The following FAM3C variants were observed in gnomAD, a reference collection of about 807,000 sequenced individuals.
FAM3C encodes the protein protein FAM3C.
Under a neutral mutation model 32.5 loss-of-function variants are expected in FAM3C, and 15 were observed. The ratio of observed to expected loss-of-function variants is 0.46; its 90% CI spans 0.31 to 0.71. The LOEUF is 0.71. FAM3C is among the 30% of genes least tolerant of loss of function. The probability of loss-of-function intolerance (pLI) is 0.05; values close to 1 mark genes in which losing one functional copy is unlikely to be tolerated. For missense variants in FAM3C, 175 were observed against 274.4 expected, an observed-to-expected ratio of 0.64 and a Z score of 2.56; for synonymous variants, 75 against 86.1, an observed-to-expected ratio of 0.87 and a Z score of 0.72.
At chr7:121,373,572 T>C (rs1016575735) in intron 3 of FAM3C, among the ~76,000 whole-genome samples, 2 of 152,216 alleles carry the variant, frequency 1.3e-5, no homozygotes, top group Non-Finnish European at 2.9e-5. Context: ...ACATTTGTTA[T>C]TGCATTTCAT....
chr7:121,362,111 A>AT (rs1793937843), intron 7 of FAM3C, among the ~76,000 whole-genome samples: 7 of 152,296 alleles, frequency 4.6e-5, no homozygotes, highest in African/African-American at 1.7e-4. Context: ...GGTGCAGGGG[A>AT]GATCCTCATA....
chr7:121,365,258 G>A (rs1794002707), intron 5 of FAM3C, among the ~76,000 whole-genome samples: 1 of 152,066 alleles, frequency 6.6e-6, no homozygotes, highest in Non-Finnish European at 1.5e-5. Context: ...TCTAACAAAC[G>A]TTGGATCTAT....
rs67277678 is a variant in FAM3C at position 121,381,656 on chromosome 7, C to CCACA, written c.13+1297_13+1300dup. ...AAGTCCTGCTGTACTCAAAGAACATCCACACACACACACACACACACACAC... is the reference window on the plus strand; with the variant it reads ...AAGTCCTGCTGTACTCAAAGAACATCCACACACACACACACACACACACACACAC... On this transcript the variant is annotated intron_variant, in intron 2 of 9. Coordinates refer to ENST00000359943, the MANE Select transcript of FAM3C (RefSeq NM_014888.3). Among the ~76,000 whole-genome samples, 1,136 of 142,320 alleles carry CCACA rather than the reference C, an allele frequency of 8.0e-3. 14 individuals carry two copies. The highest frequency in any genetic ancestry group is 0.017 in the African/African-American group (671 of 39,244). The allele number at this position is 142,320 out of a possible 152,430, so 93.4% of individuals were successfully genotyped here.
intron 8 of FAM3C, among the ~76,000 whole-genome samples, chr7:121,352,873 A>G (rs1029364856): frequency 4.6e-5 from 7 of 152,142 alleles, no homozygotes; most frequent in Middle Eastern, 3.2e-3. Flanking sequence ...CAAATGTTCT[A>G]TTTTCTAACT....
At chr7:121,351,502 G>T in intron 8 of FAM3C, 1 of 408,608 alleles carries the variant, frequency 2.4e-6, no homozygotes, top group Non-Finnish European at 4.3e-6. Flanking sequence ...GACCTGTTAG[G>T]TTTTTATTTC....
At chr7:121,375,361 A>G (rs1794219584) in intron 3 of FAM3C, among the ~76,000 whole-genome samples, 1 of 152,190 alleles carries the variant, frequency 6.6e-6, no homozygotes, top group Non-Finnish European at 1.5e-5. Context: ...CTGTGTGCAG[A>G]CTGGCACAAG....
At chr7:121,372,023 T>C in intron 4 of FAM3C, 87 bp downstream of exon 4, 1 of 936,786 alleles carries the variant, frequency 1.1e-6, no homozygotes, top group East Asian at 2.6e-5. Flanking sequence ...TTTTTCCTCA[T>C]ACTGAACTAC....
At chr7:121,370,773 G>A (rs997272428) in intron 5 of FAM3C, among the ~76,000 whole-genome samples, 14 of 152,098 alleles carry the variant, frequency 9.2e-5, no homozygotes, top group African/African-American at 2.4e-4. Context: ...AATGAAAGAC[G>A]TTGGATTTCA....
In FAM3C at chr7:121,362,960, A is replaced by C; in HGVS notation, c.332-13T>G. On this transcript the variant is annotated splice_polypyrimidine_tract_variant and intron_variant, in intron 6 of 9. Coordinates refer to ENST00000359943, the MANE Select transcript of FAM3C (RefSeq NM_014888.3). ...TCTCCTGTTTTTCCTAAAAGAGATT[A>C]AATTCATATCAAATTATGCATCTGA... is the stretch of plus-strand genomic sequence containing the variant. 7.7e-7 allele frequency: 1 copy of C among 1,294,150 alleles called. No homozygotes were observed. The highest frequency in any genetic ancestry group is 1.1e-6 in the Non-Finnish European group (1 of 897,316). The allele number at this position is 1,294,150 out of a possible 1,614,324, so 80.2% of individuals were successfully genotyped here.
chr7:121,371,498 C>A (rs923153469), intron 4 of FAM3C, 75 bp from the exon 5 acceptor site: 14 of 1,454,110 alleles, frequency 9.6e-6, no homozygotes, highest in Middle Eastern at 1.8e-4. Context: ...CTTCAAATCT[C>A]AAACCACAAA....
rs377269503 is a variant in FAM3C at position 121,350,368 on chromosome 7, C to A, written c.*93G>T. 50 of 1,541,106 alleles carry A rather than the reference C, an allele frequency of 3.2e-5. No individual in the cohort carries two copies. In the East Asian group the frequency reaches 5.0e-4, roughly 15 times the overall value. ...ACTCATGCACACACCAAGATGGCTG[C>A]ATGCTCTTAAAATATTTACACATAG... On this transcript the variant is annotated 3_prime_UTR_variant, in exon 10 of 10. Coordinates refer to ENST00000359943, the MANE Select transcript of FAM3C (RefSeq NM_014888.3).
chr7:121,388,262 T>A (rs200694254), intron 1 of FAM3C, among the ~76,000 whole-genome samples: 6 of 87,432 alleles, frequency 6.9e-5, no homozygotes, highest in African/African-American at 2.9e-4. Flanking sequence ...ACACACACAC[T>A]CACACACTCC....
At chr7:121,389,206 C>T (rs1437976092) in intron 1 of FAM3C, among the ~76,000 whole-genome samples, 1 of 152,092 alleles carries the variant, frequency 6.6e-6, no homozygotes, top group Non-Finnish European at 1.5e-5. Flanking sequence ...CATAAGTATT[C>T]CAACATGATT....
In FAM3C at chr7:121,371,332, C is replaced by A. The variant is rs759736620; in HGVS notation, c.240G>T (p.Val80=). Residue 80 remains valine, a synonymous_variant, in exon 5 of 10, where the codon GTG becomes GTT. Coordinates refer to ENST00000359943, the MANE Select transcript of FAM3C (RefSeq NM_014888.3). ...AFKMASGAAN[V]VGPKICLEDN... ...CTTCCAGGCAGATTTTGGGTCCCACCACGTTGGCTGCTCCACTTGCCATTT... is the reference window on the plus strand; with the variant it reads ...CTTCCAGGCAGATTTTGGGTCCCACAACGTTGGCTGCTCCACTTGCCATTT... The A allele has an allele frequency of 6.2e-7, 1 of 1,613,552 alleles. No homozygotes were observed. Among genetic ancestry groups the A allele is most frequent in the South Asian group, 1.1e-5 (1 of 91,040 alleles).
chr7:121,375,895 C>A (rs139219945), intron 3 of FAM3C, among the ~76,000 whole-genome samples: 2 of 152,292 alleles, frequency 1.3e-5, no homozygotes, highest in Non-Finnish European at 2.9e-5. Flanking sequence ...GGCCTATAGA[C>A]AAGTGAAAGC....
At chr7:121,380,689 T>G (rs937549898) in intron 2 of FAM3C, among the ~76,000 whole-genome samples, 2 of 148,922 alleles carry the variant, frequency 1.3e-5, no homozygotes, top group Non-Finnish European at 3.0e-5. Flanking sequence ...CCTGTACATG[T>G]ACCCTTGAGC....
intron 8 of FAM3C, among the ~76,000 whole-genome samples, chr7:121,352,538 A>C (rs2116864302): frequency 6.6e-6 from 1 of 152,326 alleles, no homozygotes. Flanking sequence ...TAAGTGGTAC[A>C]TTTATAGCCA....
intron 4 of FAM3C, 47 bp downstream of exon 4, chr7:121,372,063 C>G (rs746102297): frequency 6.9e-7 from 1 of 1,454,690 alleles, no homozygotes; most frequent in Admixed American, 1.7e-5. Flanking sequence ...TCTCATATGC[C>G]TAAGGCAGAA....
chr7:121,390,754 G>C (rs1794556976), intron 1 of FAM3C, among the ~76,000 whole-genome samples: 1 of 148,278 alleles, frequency 6.7e-6, no homozygotes, highest in Non-Finnish European at 1.5e-5. Context: ...GCTCTTGCAT[G>C]TTTAATAAGC....
Sources: allele counts gnomAD v4.1 joint callset (sites outside exome capture counted in the v4.1 genomes callset), GRCh38; gene constraint gnomAD v4.1.1; transcripts MANE v1.5; gene names NCBI Gene and HGNC (gene_info 2026-07-23, HGNC 2026-07-21).